The following ITGA4 variants were observed in gnomAD, a reference collection of about 807,000 sequenced individuals.
ITGA4 encodes integrin alpha-4.
ITGA4 carries 63 observed loss-of-function variants against 133.6 expected under a neutral mutation model. The ratio of observed to expected loss-of-function variants is 0.47; its 90% CI spans 0.38 to 0.58. ITGA4 has a LOEUF of 0.58. ITGA4 is among the 20% of genes least tolerant of loss of function. The probability of loss-of-function intolerance (pLI) is 0.00; values close to 1 mark genes in which losing one functional copy is unlikely to be tolerated. For missense variants in ITGA4, 1,076 were observed against 1,252.7 expected (o/e 0.86, Z 2.13); for synonymous variants, 483 against 438.0 (o/e 1.10, Z -1.28).
Position 181,532,547 on chromosome 2 carries a change from G to T in ITGA4, c.2784+771G>T, listed in dbSNP as rs561413601. Among the ~76,000 whole-genome samples the T allele has an allele frequency of 2.6e-5, 4 of 152,166 alleles. No individual in the cohort carries two copies. In the East Asian group the frequency reaches 7.7e-4, roughly 29 times the overall value. On this transcript the variant is annotated intron_variant, in intron 25 of 27. Coordinates refer to ENST00000397033, the MANE Select transcript of ITGA4 (RefSeq NM_000885.6). ...GAATTCACTCATGATTTGGCTCTCT[G>T]CTTGTCTATTATTGTATACGAATGC...
At chr2:181,463,627 G>GA (rs1329878292) in intron 2 of ITGA4, among the ~76,000 whole-genome samples, 1 of 152,036 alleles carries the variant, frequency 6.6e-6, no homozygotes, top group African/African-American at 2.4e-5. Context: ...CCAATATACT[G>GA]AAAAAGGGAA....
intron 15 of ITGA4, among the ~76,000 whole-genome samples, chr2:181,501,584 A>T (rs1686271694): frequency 6.6e-6 from 1 of 152,138 alleles, no homozygotes; most frequent in Non-Finnish European, 1.5e-5. Context: ...GTTCCAACAA[A>T]AGTGGTGGCA....
intron 10 of ITGA4, 177 bp from the exon 11 acceptor site, chr2:181,493,148 G>A (rs1474974851): frequency 2.1e-5 from 11 of 531,122 alleles, no homozygotes; most frequent in Non-Finnish European, 3.6e-5. Context: ...AAACTATTGT[G>A]TGCAATCCTG....
At chr2:181,514,419 A>G (rs1056572636) in intron 17 of ITGA4, among the ~76,000 whole-genome samples, 2 of 152,098 alleles carry the variant, frequency 1.3e-5, no homozygotes, top group African/African-American at 4.8e-5. Flanking sequence ...GTTCAGGGCC[A>G]AAAAGCCTTG....
rs200646302 is a variant in ITGA4 at position 181,537,126 on chromosome 2, A to T, written c.*1599A>T. The T allele has an allele frequency of 2.2e-6, 1 of 453,126 alleles. No homozygotes were observed. The highest frequency in any genetic ancestry group is 4.4e-6 in the Non-Finnish European group (1 of 226,530). The allele number at this position is 453,126 out of a possible 1,614,324, so 28.1% of individuals were successfully genotyped here. A position where few individuals can be genotyped will look rare whatever the true frequency, so the allele number is the denominator to read the frequency against. The stretch of plus-strand genomic sequence containing the variant: ...ACTTTATGACATTTATGTATTTTTA[A>T]AAAACTTTGTATCGTTATAAAAAGG... On this transcript the variant is annotated 3_prime_UTR_variant, in exon 28 of 28. Coordinates refer to ENST00000397033, the MANE Select transcript of ITGA4 (RefSeq NM_000885.6).
At chr2:181,466,914 C>T (rs1418094207) in intron 2 of ITGA4, among the ~76,000 whole-genome samples, 1 of 152,088 alleles carries the variant, frequency 6.6e-6, no homozygotes, top group Admixed American at 6.6e-5. Context: ...TACTAGGTGC[C>T]AGGCATTCTT....
chr2:181,493,043 G>A (rs981036079), intron 10 of ITGA4: 9 of 263,396 alleles, frequency 3.4e-5, no homozygotes, highest in Admixed American at 5.2e-5. Flanking sequence ...GGCAGAGCTC[G>A]GATCAGACCC....
chr2:181,465,000 T>C (rs1334055029), intron 2 of ITGA4, among the ~76,000 whole-genome samples: 1 of 152,114 alleles, frequency 6.6e-6, no homozygotes, highest in Non-Finnish European at 1.5e-5. Flanking sequence ...CACAAAAATG[T>C]TCAGAAAATA....
At chr2:181,481,810 C>A in intron 7 of ITGA4, 127 bp downstream of exon 7, 3 of 402,048 alleles carry the variant, frequency 7.5e-6, no homozygotes, top group South Asian at 4.4e-5. Context: ...CAGATTATTA[C>A]ATTTAGTGGA....
intron 2 of ITGA4, among the ~76,000 whole-genome samples, chr2:181,464,527 A>C (rs566611619): frequency 2.6e-5 from 4 of 152,160 alleles, no homozygotes; most frequent in Non-Finnish European, 5.9e-5. Flanking sequence ...GCATGACAAT[A>C]GACAGGTACA....
rs1559061864 is a variant in ITGA4, at chr2:181,536,715, A to ATGAGGTTCTATTTTAAATGACTT, written c.*1190_*1212dup. 4.2e-6 allele frequency: 1 copy of ATGAGGTTCTATTTTAAATGACTT among 237,382 alleles called. No homozygotes were observed. Among genetic ancestry groups the ATGAGGTTCTATTTTAAATGACTT allele is most frequent in the Non-Finnish European group, 8.5e-6 (1 of 117,794 alleles). 14.7% of individuals were successfully genotyped at this position (237,382 alleles called of 1,614,324 possible). On this transcript the variant is annotated 3_prime_UTR_variant, in exon 28 of 28. Coordinates refer to ENST00000397033, the MANE Select transcript of ITGA4 (RefSeq NM_000885.6). Reference sequence around the variant, plus strand: ...TATTTTTATAGTTTGTTCATACTATATGAGGTTCTATTTTAAATGACTTTC... The same window carrying ATGAGGTTCTATTTTAAATGACTT: ...TATTTTTATAGTTTGTTCATACTATATGAGGTTCTATTTTAAATGACTTTGAGGTTCTATTTTAAATGACTTTC...
chr2:181,472,412 G>A (rs540585254), intron 2 of ITGA4, among the ~76,000 whole-genome samples: 1 of 152,238 alleles, frequency 6.6e-6, no homozygotes, highest in East Asian at 1.9e-4. Flanking sequence ...TAATCGTAAT[G>A]AAAGTGTCTA....
At chr2:181,517,134 A>C (rs367628462) in intron 17 of ITGA4, among the ~76,000 whole-genome samples, 28 of 152,056 alleles carry the variant, frequency 1.8e-4, no homozygotes, top group East Asian at 1.2e-3. Flanking sequence ...GTAAAGGAAA[A>C]AAAGATAAAA....
At chr2:181,485,739 G>T in intron 9 of ITGA4, 142 bp from the exon 10 acceptor site, 1 of 626,332 alleles carries the variant, frequency 1.6e-6, no homozygotes, top group Non-Finnish European at 2.8e-6. Context: ...ATTGAACTGA[G>T]ATGTGTGTAC....
At position 181,534,239 on chromosome 2, in the gene ITGA4, C is replaced by A. The variant is rs536055459; in HGVS notation, c.2785-33C>A. The A allele has an allele frequency of 5.5e-6, 7 of 1,262,660 alleles. No homozygotes were observed. The Admixed American group carries it at 1.2e-4, about 22-fold the overall frequency. 78.2% of individuals were successfully genotyped at this position (1,262,660 alleles called of 1,614,324 possible). On this transcript the variant is annotated intron_variant, in intron 25 of 27. Transcript: ENST00000397033. ...ATAAATTATGTCTTTATGAAATAAACCAGGCTATGGTGATCCTTCTTTTAT... is the reference window on the plus strand; with the variant it reads ...ATAAATTATGTCTTTATGAAATAAAACAGGCTATGGTGATCCTTCTTTTAT...
Position 181,495,780 on chromosome 2 carries a change from C to T in ITGA4, c.1386-3C>T, listed in dbSNP as rs928394636. On this transcript the variant is annotated splice_region_variant and splice_polypyrimidine_tract_variant and intron_variant, in intron 13 of 27. Transcript: ENST00000397033. This position sits in a 1 kb window ranked among gnomAD's most constrained non-coding sequence, Gnocchi z 4.3. ...AACATTGCTACTTTTATTTCCTTCT[C>T]AGGACAAGACCTGTAGTAATTGTTG... The T allele has an allele frequency of 5.6e-6, 9 of 1,607,152 alleles. No homozygotes were observed. Among genetic ancestry groups the T allele is most frequent in the Non-Finnish European group, 7.6e-6 (9 of 1,177,666 alleles).
At position 181,536,513 on chromosome 2, in the gene ITGA4, C is replaced by T. The variant is rs200445755; in HGVS notation, c.*986C>T. On this transcript the variant is annotated 3_prime_UTR_variant, in exon 28 of 28. Transcript: ENST00000397033. ...ATGTAAAATATTGACTATCACACAACTATTTCCTTGGATGTAATTCTTTGT... is the reference window on the plus strand; with the variant it reads ...ATGTAAAATATTGACTATCACACAATTATTTCCTTGGATGTAATTCTTTGT... 2.0e-5 allele frequency among the ~76,000 whole-genome samples: 3 copies of T among 146,704 alleles called. No homozygotes were observed. The highest frequency in any genetic ancestry group is 4.5e-5 in the Non-Finnish European group (3 of 66,230).
At chr2:181,531,864 C>A (rs2105772760) in intron 25 of ITGA4, 88 bp downstream of exon 25, 1 of 845,886 alleles carries the variant, frequency 1.2e-6, no homozygotes. Context: ...AGTATGAAGG[C>A]ATTCAACAAA....
At chr2:181,457,296 G>T, upstream of ITGA4, 1 of 215,992 alleles carries the variant, frequency 4.6e-6, no homozygotes, top group Non-Finnish European at 9.2e-6. Context: ...GTTCCCCAGC[G>T]CCCCCTGCAG....
Sources: gnomAD v4.1 joint callset for allele counts (sites outside exome capture counted in the v4.1 genomes callset) on GRCh38, gnomAD v4.1.1 for gene constraint, Gnocchi (gnomAD v3.1) non-coding constraint, MANE v1.5 for transcripts, NCBI Gene and HGNC (gene_info 2026-07-23, HGNC 2026-07-21) for gene names.